Variants in TBC1D8 observed in about 807,000 individuals in gnomAD.
TBC1D8 encodes BUB2-like protein 1.
TBC1D8 carries 65 observed loss-of-function variants against 118.8 expected under a neutral mutation model. The ratio of observed to expected loss-of-function variants is 0.55; its 90% CI spans 0.45 to 0.67. The LOEUF (loss-of-function observed/expected upper bound fraction) is 0.67. Among genes scored for constraint, TBC1D8 ranks in the 30% least tolerant of loss-of-function variants. The pLI is 0.00. For missense variants in TBC1D8, 1,376 were observed against 1,471.2 expected, an observed-to-expected ratio of 0.94 and a Z score of 1.06; for synonymous variants, 566 against 595.8, an observed-to-expected ratio of 0.95 and a Z score of 0.73.
chr2:101,028,250 A>G (rs1016075073), intron 13 of TBC1D8, 53 bp downstream of exon 13: 5 of 1,499,656 alleles, frequency 3.3e-6, no homozygotes, highest in Non-Finnish European at 4.5e-6. Flanking sequence ...CCCAGTCACA[A>G]TTCCCGGGGG....
At chr2:101,151,065 G>C (rs1404704947) in intron 1 of TBC1D8, 62 bp downstream of exon 1, 1 of 973,448 alleles carries the variant, frequency 1.0e-6, no homozygotes, top group African/African-American at 1.8e-5. Context: ...TGGGGGCCGC[G>C]GGCCCGGCGG....
intron 12 of TBC1D8, 95 bp downstream of exon 12, chr2:101,029,396 A>T: frequency 8.7e-7 from 1 of 1,147,396 alleles, no homozygotes; most frequent in Non-Finnish European, 1.2e-6. Context: ...TGTCTCAATA[A>T]AAAAAAAAAA....
At chr2:101,070,625 C>G (rs1378178334) in intron 2 of TBC1D8, among the ~76,000 whole-genome samples, 1 of 152,030 alleles carries the variant, frequency 6.6e-6, no homozygotes, top group Non-Finnish European at 1.5e-5. Flanking sequence ...GTTGGCCAGG[C>G]TAGTCTCAAA....
intron 5 of TBC1D8, among the ~76,000 whole-genome samples, chr2:101,044,410 T>C (rs1681573731): frequency 6.6e-6 from 1 of 152,242 alleles, no homozygotes; most frequent in South Asian, 2.1e-4. Flanking sequence ...TTAGGTCTGT[T>C]TCAAAGCAGA....
At chr2:101,136,349 C>T (rs1241906378) in intron 1 of TBC1D8, among the ~76,000 whole-genome samples, 2 of 152,200 alleles carry the variant, frequency 1.3e-5, no homozygotes. Context: ...GATCTGTGTA[C>T]ACAGGGGCTC....
At chr2:101,054,494 G>A (rs1344988927) in intron 3 of TBC1D8, among the ~76,000 whole-genome samples, 158 bp from the exon 4 acceptor site, 2 of 151,442 alleles carry the variant, frequency 1.3e-5, no homozygotes, top group South Asian at 2.1e-4. Context: ...TGGCTCAGCC[G>A]TGTCATCCGT....
intron 19 of TBC1D8, among the ~76,000 whole-genome samples, chr2:101,009,240 T>TAAA (rs1408412256): frequency 2.6e-5 from 4 of 151,738 alleles, no homozygotes; most frequent in African/African-American, 9.7e-5. Context: ...CTGTCTCTAT[T>TAAA]AAAAATACAA....
intron 17 of TBC1D8, among the ~76,000 whole-genome samples, chr2:101,020,072 C>CAAAAAAAAAAA (rs200778679): frequency 1.1e-5 from 1 of 90,952 alleles, no homozygotes; most frequent in Non-Finnish European, 2.1e-5. Flanking sequence ...AACTCCGTCT[C>CAAAAAAAAAAA]AAAAAAAAAA....
chr2:101,016,401 AATC>A (rs1282848336), intron 17 of TBC1D8, among the ~76,000 whole-genome samples: 1 of 151,998 alleles, frequency 6.6e-6, no homozygotes, highest in East Asian at 1.9e-4. Context: ...TTAGAATGGC[AATC>A]ATTAAAAAGT....
intron 2 of TBC1D8, among the ~76,000 whole-genome samples, chr2:101,082,829 A>G (rs1030179273): frequency 1.4e-5 from 2 of 143,864 alleles, no homozygotes; most frequent in African/African-American, 5.2e-5. Context: ...GGGAAGATGA[A>G]AAAAGTTCTG....
At chr2:101,093,378 T>C (rs113916424) in intron 1 of TBC1D8, among the ~76,000 whole-genome samples, 2 of 152,272 alleles carry the variant, frequency 1.3e-5, no homozygotes, top group East Asian at 3.9e-4. Context: ...CACACACACA[T>C]ATACATGTAT....
intron 1 of TBC1D8, among the ~76,000 whole-genome samples, chr2:101,140,735 T>C (rs1679064589): frequency 6.6e-6 from 1 of 151,058 alleles, no homozygotes; most frequent in African/African-American, 2.4e-5. Flanking sequence ...CCTTCGCATC[T>C]CCAAATAACA....
intron 1 of TBC1D8, among the ~76,000 whole-genome samples, chr2:101,098,899 A>G (rs1676646277): frequency 6.6e-6 from 1 of 152,174 alleles, no homozygotes; most frequent in Non-Finnish European, 1.5e-5. Flanking sequence ...TAATCCTCAC[A>G]TCAGAAAGCT....
chr2:101,092,626 C>A (rs1439321871), intron 1 of TBC1D8, among the ~76,000 whole-genome samples: 1 of 152,030 alleles, frequency 6.6e-6, no homozygotes, highest in Non-Finnish European at 1.5e-5. Context: ...CCAGGTTTGG[C>A]CAGTGGGAAC....
intron 2 of TBC1D8, among the ~76,000 whole-genome samples, chr2:101,078,191 G>A (rs920320112): frequency 3.3e-5 from 5 of 152,324 alleles, no homozygotes; most frequent in African/African-American, 1.2e-4. Flanking sequence ...CACAACTCCA[G>A]TCTTCCGTTC....
At chr2:101,080,346 A>AG (rs1675180200) in intron 2 of TBC1D8, among the ~76,000 whole-genome samples, 1 of 152,126 alleles carries the variant, frequency 6.6e-6, no homozygotes, top group Non-Finnish European at 1.5e-5. Flanking sequence ...TGAAGCACCC[A>AG]GGGTGTTCTG....
intron 17 of TBC1D8, among the ~76,000 whole-genome samples, chr2:101,015,615 A>G (rs147986794): frequency 7.0e-4 from 106 of 152,364 alleles, no homozygotes; most frequent in African/African-American, 2.5e-3. Context: ...GTTAAAAACC[A>G]AGACACCTAA....
chr2:101,021,777 G>T, intron 16 of TBC1D8, 31 bp from the exon 17 acceptor site: 1 of 1,379,218 alleles, frequency 7.3e-7, no homozygotes, highest in Non-Finnish European at 1.0e-6. Context: ...GTGAGTTGAT[G>T]CCAATGCTGA....
chr2:101,027,554 A>G, intron 14 of TBC1D8, 103 bp from the exon 15 acceptor site: 1 of 969,652 alleles, frequency 1.0e-6, no homozygotes, highest in South Asian at 1.3e-5. Flanking sequence ...CAAGGAGCCC[A>G]TGCACCAGCT....
Sources: gnomAD v4.1 joint callset for allele counts (sites outside exome capture counted in the v4.1 genomes callset) on GRCh38, gnomAD v4.1.1 for gene constraint, MANE v1.5 for transcripts, NCBI Gene and HGNC (gene_info 2026-07-23, HGNC 2026-07-21) for gene names.